Variants in PPIL4 observed in about 807,000 individuals in gnomAD.
PPIL4 encodes peptidyl-prolyl cis-trans isomerase-like 4.
In PPIL4, 50 loss-of-function variants were observed where a neutral mutation model predicts 69.1. That is an observed-to-expected ratio of 0.72 (90% CI 0.58 to 0.92). The LOEUF is 0.92. Ranked by LOEUF, PPIL4 falls within the 40% of genes least tolerant of loss-of-function variation. The pLI is 0.00. For missense variants in PPIL4, 480 were observed against 587.9 expected (o/e 0.82, Z 1.90); for synonymous variants, 193 against 191.6 (o/e 1.01, Z -0.06).
chr6:149,519,433 T>C (rs1583206155), intron 10 of PPIL4, among the ~76,000 whole-genome samples: 1 of 152,238 alleles, frequency 6.6e-6, no homozygotes, highest in East Asian at 1.9e-4. Flanking sequence ...ACACTTTGAA[T>C]ATACTTACTG....
chr6:149,527,129 G>C lies in PPIL4; in HGVS notation c.679-353C>G, dbSNP rs1324788521. 3.3e-5 allele frequency among the ~76,000 whole-genome samples: 5 copies of C among 152,190 alleles called. No individual in the cohort carries two copies. In the East Asian group the frequency reaches 9.7e-4, roughly 29 times the overall value. ...ATCCCAGCACTTTGGGAGGCCAAGG[G>C]GGGCAGATACTTGAGGTCAGGAGTT... On this transcript the variant is annotated intron_variant, in intron 7 of 12. Transcript: ENST00000253329.
chr6:149,528,790 T>C (rs1777146580), intron 7 of PPIL4, among the ~76,000 whole-genome samples: 1 of 152,214 alleles, frequency 6.6e-6, no homozygotes, highest in African/African-American at 2.4e-5. Flanking sequence ...ACTTTATGCC[T>C]ACACAAAAAT....
rs118137576 is a variant in PPIL4, at chr6:149,543,720, G to A, written c.71-2134C>T. On this transcript the variant is annotated intron_variant, in intron 1 of 12. Coordinates refer to ENST00000253329, the MANE Select transcript of PPIL4 (RefSeq NM_139126.4). ...TTTTTCTTGTTTTTTTTAAAGAGAC[G>A]TTATATTTTAGAAATACATACTGAA... is the stretch of plus-strand genomic sequence containing the variant. Among the ~76,000 whole-genome samples the A allele has an allele frequency of 7.9e-5, 12 of 151,150 alleles. 1 individual carries two copies. In the East Asian group the frequency reaches 2.3e-3, roughly 29 times the overall value.
At chr6:149,541,314 A>AAAATAAAT (rs1401560067) in intron 3 of PPIL4, 53 bp downstream of exon 3, 4 of 760,786 alleles carry the variant, frequency 5.3e-6, no homozygotes, top group African/African-American at 2.3e-5. Flanking sequence ...CCAGAGGTTA[A>AAAATAAAT]AAGTAAATAA....
chr6:149,517,282 AC>A (rs1458615996), intron 11 of PPIL4, 71 bp downstream of exon 11: 1 of 832,654 alleles, frequency 1.2e-6, no homozygotes, highest in Non-Finnish European at 2.0e-6. Context: ...ACTTTTCATA[AC>A]ACATCACACA....
Position 149,517,387 on chromosome 6 carries a change from A to G in PPIL4, c.1046T>C (p.Leu349Ser). Reference protein sequence around the residue: ...YEKEQDKPPNLVLKDKVKPKQ... With the variant: ...YEKEQDKPPNSVLKDKVKPKQ... ...GGGCTTTACTTTATCTTTCAGAACC[A>G]AATTAGGTGGTTTATCCTGTTCTTT... Residue 349 changes from leucine (L) to serine (S), a missense_variant, in exon 11 of 13, where the codon TTG (leucine) becomes TCG (serine). Leu to Ser is a moderately radical substitution (Grantham distance 145). Transcript: ENST00000253329. The G allele has an allele frequency of 1.9e-6, 3 of 1,606,920 alleles. No individual in the cohort carries two copies. The highest frequency in any genetic ancestry group is 2.6e-6 in the Non-Finnish European group (3 of 1,174,158).
At chr6:149,531,761 C>T (rs1004241949) in intron 7 of PPIL4, among the ~76,000 whole-genome samples, 1 of 152,092 alleles carries the variant, frequency 6.6e-6, no homozygotes, top group African/African-American at 2.4e-5. Context: ...CTTTCGCCTG[C>T]TGGGTTCAAG....
intron 4 of PPIL4, among the ~76,000 whole-genome samples, chr6:149,539,975 C>T (rs1777335997): frequency 6.6e-6 from 1 of 151,832 alleles, no homozygotes; most frequent in African/African-American, 2.4e-5. Flanking sequence ...ACGAAAAATA[C>T]AGAAAGTAGC....
intron 12 of PPIL4, among the ~76,000 whole-genome samples, chr6:149,506,164 G>A (rs1462251099): frequency 1.3e-5 from 2 of 152,120 alleles, no homozygotes. Flanking sequence ...AGAGATCTTA[G>A]ACAAGTCAGT....
intron 9 of PPIL4, among the ~76,000 whole-genome samples, chr6:149,524,228 A>G: frequency 6.6e-6 from 1 of 152,234 alleles, no homozygotes; most frequent in East Asian, 1.9e-4. Context: ...AAGTCACATT[A>G]GCATTATGTG....
intron 7 of PPIL4, among the ~76,000 whole-genome samples, chr6:149,532,175 A>G (rs1340174706): frequency 6.6e-6 from 1 of 152,236 alleles, no homozygotes; most frequent in East Asian, 1.9e-4. Flanking sequence ...GAGAGAGAGA[A>G]AAAGAGAGAA....
At chr6:149,543,483 T>A (rs1777394429) in intron 1 of PPIL4, among the ~76,000 whole-genome samples, 2 of 152,230 alleles carry the variant, frequency 1.3e-5, no homozygotes, top group Non-Finnish European at 2.9e-5. Context: ...TAAATCACCA[T>A]ATTTTTTAGA....
intron 7 of PPIL4, among the ~76,000 whole-genome samples, chr6:149,533,046 A>G (rs1360924157): frequency 6.6e-6 from 1 of 152,222 alleles, no homozygotes; most frequent in South Asian, 2.1e-4. Context: ...ACAGAGAAGC[A>G]GTATATTTTA....
rs759334823 is a variant in PPIL4, at chr6:149,545,939, G to T, written c.67C>A (p.Arg23Ser). 9 of 1,586,196 alleles carry T rather than the reference G, an allele frequency of 5.7e-6. No homozygotes were observed. The Admixed American group carries it at 1.6e-4, about 27-fold the overall frequency. ...VIDLYTEERP[R>S]ACLNFLKLCK... ...GTGAGTGGGGCTCAAGCCTCACCAC[G>T]CGGCCGTTCTTCGGTGTACAAGTCG... Residue 23 changes from arginine to serine, a missense_variant, in exon 1 of 13, where the codon CGT becomes AGT. By Grantham distance (110) the Arg-to-Ser change is moderately radical. Transcript: ENST00000253329.
chr6:149,539,899 G>A (rs1312504937), intron 4 of PPIL4, among the ~76,000 whole-genome samples: 1 of 152,160 alleles, frequency 6.6e-6, no homozygotes, highest in Non-Finnish European at 1.5e-5. Context: ...GGAGGCCAAG[G>A]CAGGTGGATC....
intron 12 of PPIL4, among the ~76,000 whole-genome samples, chr6:149,510,756 A>C (rs867791952): frequency 3.3e-5 from 5 of 152,196 alleles, no homozygotes; most frequent in Admixed American, 1.3e-4. Flanking sequence ...AAAAAGAAAG[A>C]AAAGAAACAC....
intron 7 of PPIL4, among the ~76,000 whole-genome samples, chr6:149,528,167 G>A (rs1777138885): frequency 6.6e-6 from 1 of 152,114 alleles, no homozygotes. Flanking sequence ...GGACTGCTTG[G>A]GTTCCAGAGT....
rs1487651980 is a variant in PPIL4, at chr6:149,505,532, T to C, written c.1400A>G (p.Glu467Gly). Residue 467 changes from glutamate to glycine, a missense_variant, in exon 13 of 13, where the codon GAA becomes GGA. Coordinates refer to ENST00000253329, the MANE Select transcript of PPIL4 (RefSeq NM_139126.4). The stretch of plus-strand genomic sequence containing the variant: ...GTCTCTCTTTTTACTCCTTTCTCTT[T>C]CATAAAGATCTGTTTGGTATTTTGA... ...HKSKYQTDLY[E>G]RERSKKRDRS... 6.2e-7 allele frequency: 1 copy of C among 1,614,014 alleles called. No individual in the cohort carries two copies. Among genetic ancestry groups the C allele is most frequent in the Non-Finnish European group, 8.5e-7 (1 of 1,179,988 alleles).
chr6:149,537,405 C>T (rs1188359418), intron 4 of PPIL4, among the ~76,000 whole-genome samples: 1 of 152,084 alleles, frequency 6.6e-6, no homozygotes, highest in African/African-American at 2.4e-5. Flanking sequence ...ATCCCAAGGC[C>T]GTTAAGAATG....
Sources: allele counts gnomAD v4.1 joint callset (sites outside exome capture counted in the v4.1 genomes callset), GRCh38; gene constraint gnomAD v4.1.1; transcripts MANE v1.5; gene names NCBI Gene and HGNC (gene_info 2026-07-23, HGNC 2026-07-21).